PHLPP1: variants seen among roughly 807,000 people sequenced by gnomAD.
PHLPP1 encodes PH domain and leucine rich repeat protein phosphatase 1, also known as PH domain leucine-rich repeat-containing protein phosphatase 1.
PHLPP1 carries 42 observed loss-of-function variants against 117.2 expected under a neutral mutation model. The observed-to-expected ratio is 0.36, with a 90% CI of 0.28 to 0.46. The LOEUF (loss-of-function observed/expected upper bound fraction) is 0.46. PHLPP1 is among the 20% of genes least tolerant of loss of function. The pLI is 1.00. For synonymous variants in PHLPP1, 1,042 were observed against 970.7 expected (o/e 1.07, Z -1.37); for missense variants, 2,084 against 2,241.9 (o/e 0.93, Z 1.42).
intron 1 of PHLPP1, among the ~76,000 whole-genome samples, chr18:62,806,063 G>T (rs1245958683): frequency 6.6e-6 from 1 of 152,012 alleles, no homozygotes; most frequent in Non-Finnish European, 1.5e-5. Context: ...CCGGACTTCT[G>T]TTCATCTATT....
At chr18:62,827,858 T>C (rs1914652543) in intron 1 of PHLPP1, among the ~76,000 whole-genome samples, 1 of 152,210 alleles carries the variant, frequency 6.6e-6, no homozygotes, top group Non-Finnish European at 1.5e-5. Flanking sequence ...GTATATGGAG[T>C]TGGAGAATTG....
In PHLPP1 at chr18:62,853,748, C is replaced by CTA. The variant is rs1465477202; in HGVS notation, c.1900-6684_1900-6683dup. Among the ~76,000 whole-genome samples, 5 of 152,346 alleles carry CTA rather than the reference C, an allele frequency of 3.3e-5. No homozygotes were observed. In the East Asian group the frequency reaches 9.6e-4, roughly 29 times the overall value. ...CTGATCACAACTTGAATCTCTTCGTCTATAGTTCATTGATGGTCTGGCTAA... is the reference window on the plus strand; with the variant it reads ...CTGATCACAACTTGAATCTCTTCGTCTATATAGTTCATTGATGGTCTGGCTAA... On this transcript the variant is annotated intron_variant, in intron 3 of 16. Transcript: ENST00000262719.
chr18:62,952,098 G>A (rs568475662), intron 12 of PHLPP1, among the ~76,000 whole-genome samples: 252 of 151,996 alleles, frequency 1.7e-3, no homozygotes, highest in African/African-American at 5.9e-3. Flanking sequence ...GATTACAGGC[G>A]TGAGCCACCG....
intron 12 of PHLPP1, among the ~76,000 whole-genome samples, chr18:62,953,210 T>C (rs12604881): frequency 0.048 from 7,260 of 152,304 alleles, 329 homozygotes; most frequent in East Asian, 0.21. Context: ...AGGGAGGCAG[T>C]GTAGACTACT....
At position 62,735,564 on chromosome 18, in the gene PHLPP1, AAACAACAAC is replaced by A. The variant is rs34600395; in HGVS notation, c.1576+18338_1576+18346del. Among the ~76,000 whole-genome samples the A allele has an allele frequency of 5.0e-3, 717 of 142,990 alleles. 2 individuals carry two copies. The highest frequency in any genetic ancestry group is 0.017 in the South Asian group (78 of 4,626). 93.8% of individuals were successfully genotyped at this position (142,990 alleles called of 152,430 possible). A position where few individuals can be genotyped will look rare whatever the true frequency, so the allele number is the denominator to read the frequency against. ...ACTTCCCCTTCCCAGCCCCCCATCA[AAACAACAAC>A]AACAACAACAACAACAACAACAACA... On this transcript the variant is annotated intron_variant, in intron 1 of 16. Coordinates refer to ENST00000262719, the MANE Select transcript of PHLPP1 (RefSeq NM_194449.4).
intron 10 of PHLPP1, among the ~76,000 whole-genome samples, chr18:62,921,743 A>G (rs1412261141): frequency 6.6e-6 from 1 of 152,222 alleles, no homozygotes; most frequent in Non-Finnish European, 1.5e-5. Context: ...CTTTAATAAG[A>G]GTAAAAAAAT....
rs569265489 is a variant in PHLPP1, at chr18:62,758,723, C to T, written c.1576+41464C>T. 2.8e-4 allele frequency among the ~76,000 whole-genome samples: 42 copies of T among 152,090 alleles called. 1 individual carries two copies. In the South Asian group the frequency reaches 4.8e-3, roughly 17 times the overall value. ...ACTTGCATTTTGCATGTGGAAAACCCGTGCCACCAGAGTGAAGGATTTCCT... is the reference window on the plus strand; with the variant it reads ...ACTTGCATTTTGCATGTGGAAAACCTGTGCCACCAGAGTGAAGGATTTCCT... On this transcript the variant is annotated intron_variant, in intron 1 of 16. Transcript: ENST00000262719.
intron 1 of PHLPP1, among the ~76,000 whole-genome samples, chr18:62,760,372 G>A (rs111361856): frequency 2.4e-4 from 37 of 152,104 alleles, no homozygotes; most frequent in African/African-American, 8.2e-4. Flanking sequence ...TTTGCAGTCC[G>A]AGATCTGTAA....
At chr18:62,936,953 T>G (rs1237268362) in intron 10 of PHLPP1, among the ~76,000 whole-genome samples, 1 of 152,238 alleles carries the variant, frequency 6.6e-6, no homozygotes, top group Non-Finnish European at 1.5e-5. Context: ...ATCAGAGGGT[T>G]GCCTAAAAGT....
At chr18:62,893,793 A>T (rs956311870) in intron 4 of PHLPP1, among the ~76,000 whole-genome samples, 2 of 152,126 alleles carry the variant, frequency 1.3e-5, no homozygotes, top group Admixed American at 6.5e-5. Context: ...GTGCACAGAG[A>T]AGTAAAAAAT....
chr18:62,766,210 G>C (rs752734007), intron 1 of PHLPP1, among the ~76,000 whole-genome samples: 1 of 148,248 alleles, frequency 6.7e-6, no homozygotes, highest in Non-Finnish European at 1.5e-5. Flanking sequence ...CAAGTTCAAC[G>C]TGTGGGAACT....
chr18:62,829,941 T>C lies in PHLPP1; in HGVS notation c.1577-94T>C. The C allele has an allele frequency of 3.8e-6, 3 of 779,958 alleles. No individual in the cohort carries two copies. In the South Asian group the frequency reaches 7.5e-5, roughly 19 times the overall value. 48.3% of individuals were successfully genotyped at this position (779,958 alleles called of 1,614,324 possible). The stretch of plus-strand genomic sequence containing the variant: ...GAATTTATAATTTTCCCTTGAATTA[T>C]TCCCTTGTTGTCCAATTCATATATC... On this transcript the variant is annotated intron_variant, in intron 1 of 16. Coordinates refer to ENST00000262719, the MANE Select transcript of PHLPP1 (RefSeq NM_194449.4).
chr18:62,825,597 A>G (rs969429629), intron 1 of PHLPP1: 6 of 151,632 alleles, frequency 4.0e-5, no homozygotes, highest in Non-Finnish European at 8.8e-5. Context: ...ATTAGCTGGG[A>G]CTACAGGTGC....
intron 1 of PHLPP1, chr18:62,825,362 A>G (rs960204203): frequency 3.4e-5 from 5 of 148,534 alleles, no homozygotes; most frequent in African/African-American, 1.2e-4. Context: ...GTATGTATAT[A>G]TATAAATATA....
intron 12 of PHLPP1, among the ~76,000 whole-genome samples, chr18:62,955,154 A>C (rs1355965058): frequency 6.6e-6 from 1 of 152,250 alleles, no homozygotes; most frequent in Non-Finnish European, 1.5e-5. Context: ...CATGAAGAAA[A>C]GAGTTCCAAG....
chr18:62,823,261 T>TG (rs1479458055), intron 1 of PHLPP1, among the ~76,000 whole-genome samples: 6 of 152,214 alleles, frequency 3.9e-5, no homozygotes, highest in African/African-American at 1.4e-4. Flanking sequence ...AGAAAATATT[T>TG]GCAAGTCATA....
At chr18:62,810,217 C>T (rs1914071581) in intron 1 of PHLPP1, among the ~76,000 whole-genome samples, 1 of 152,192 alleles carries the variant, frequency 6.6e-6, no homozygotes, top group African/African-American at 2.4e-5. Flanking sequence ...TTTCCAGATA[C>T]AGTGCATAGA....
intron 1 of PHLPP1, among the ~76,000 whole-genome samples, chr18:62,746,393 G>C (rs1320147792): frequency 6.6e-6 from 1 of 152,168 alleles, no homozygotes; most frequent in Non-Finnish European, 1.5e-5. Flanking sequence ...GCACTTTCTT[G>C]TGTTCCTGCT....
At chr18:62,896,360 C>T (rs527687277) in intron 6 of PHLPP1, among the ~76,000 whole-genome samples, 1 of 149,670 alleles carries the variant, frequency 6.7e-6, no homozygotes, top group East Asian at 2.0e-4. Flanking sequence ...GGCCTGATCT[C>T]GGCTTACTGC....
Sources: gnomAD v4.1 joint callset for allele counts (sites outside exome capture counted in the v4.1 genomes callset) on GRCh38, gnomAD v4.1.1 for gene constraint, MANE v1.5 for transcripts, NCBI Gene and HGNC (gene_info 2026-07-23, HGNC 2026-07-21) for gene names.